Variants in COMP observed in about 807,000 individuals in gnomAD.
COMP encodes the protein cartilage oligomeric matrix protein.
In COMP, 79 loss-of-function variants were observed where a neutral mutation model predicts 95.8. That is an observed-to-expected ratio of 0.82 (90% confidence interval 0.69 to 0.99). The LOEUF (loss-of-function observed/expected upper bound fraction) is 0.99. COMP is among the 50% of genes least tolerant of loss of function. The pLI is 0.00. For synonymous variants in COMP, 438 were observed against 433.9 expected, an observed-to-expected ratio of 1.01 and a Z score of -0.12; for missense variants, 906 against 1,076.1, an observed-to-expected ratio of 0.84 and a Z score of 2.21.
Position 18,789,342 on chromosome 19 carries a change from GC to G in COMP, c.391-46del. ...AGAGGGTCAGAGGGCTTCGAGCTGGGCCCTGGGGGCCGCACCTCGTAGTGTC... is the reference window on the plus strand; with the variant it reads ...AGAGGGTCAGAGGGCTTCGAGCTGGGCCTGGGGGCCGCACCTCGTAGTGTC... On this transcript the variant is annotated intron_variant, in intron 4 of 18. Coordinates refer to ENST00000222271, the MANE Select transcript of COMP (RefSeq NM_000095.3). This position sits in a 1 kb window ranked among gnomAD's most constrained non-coding sequence, Gnocchi z 6.1. The G allele has an allele frequency of 7.0e-7, 1 of 1,432,796 alleles. No individual in the cohort carries two copies. Among genetic ancestry groups the G allele is most frequent in the Admixed American group, 3.1e-5 (1 of 32,764 alleles). The allele number at this position is 1,432,796 out of a possible 1,614,324, so 88.8% of individuals were successfully genotyped here. A position where few individuals can be genotyped will look rare whatever the true frequency, so the allele number is the denominator to read the frequency against.
In COMP at chr19:18,785,042, T is replaced by C; in HGVS notation, c.1768A>G (p.Thr590Ala). The C allele has an allele frequency of 6.2e-7, 1 of 1,614,130 alleles. No homozygotes were observed. The highest frequency in any genetic ancestry group is 8.5e-7 in the Non-Finnish European group (1 of 1,180,010). Residue 590 changes from threonine (T) to alanine (A), a missense_variant, in exon 16 of 19, where the codon ACG (threonine) becomes GCG (alanine). Thr to Ala is a moderately conservative substitution (Grantham distance 58). Coordinates refer to ENST00000222271, the MANE Select transcript of COMP (RefSeq NM_000095.3). Reference protein sequence around the residue: ...VDFEGTFHVNTVTDDDYAGFI... With the variant: ...VDFEGTFHVNAVTDDDYAGFI... ...CCCGCATAGTCGTCATCCGTGACCG[T>C]GTTCACATGGAACGTGCCCTCGAAG... is the stretch of plus-strand genomic sequence containing the variant.
intron 15 of COMP, 101 bp downstream of exon 15, chr19:18,785,397 C>T: frequency 6.7e-7 from 1 of 1,499,644 alleles, no homozygotes; most frequent in Non-Finnish European, 9.2e-7. Flanking sequence ...CGGGCCAGCC[C>T]CCTTCTGGCC....
rs1372045160 is a variant in COMP at position 18,788,398 on chromosome 19, G to GC, written c.867+11dup. ...CTCCTGCCCAAGCCCGCCCCGCTCC[G>GC]CCCCCACCCACCTTACGGCACTGGC... On this transcript the variant is annotated intron_variant, in intron 8 of 18. Transcript: ENST00000222271. This position sits in a 1 kb window ranked among gnomAD's most constrained non-coding sequence, Gnocchi z 4.7. 1 of 594,616 alleles carries GC rather than the reference G, an allele frequency of 1.7e-6. No homozygotes were observed. Among genetic ancestry groups the GC allele is most frequent in the Non-Finnish European group, 2.9e-6 (1 of 345,732 alleles). 36.8% of individuals were successfully genotyped at this position (594,616 alleles called of 1,614,324 possible).
chr19:18,785,379 C>G, intron 15 of COMP, 119 bp downstream of exon 15: 2 of 831,602 alleles, frequency 2.4e-6, no homozygotes, highest in Non-Finnish European at 3.7e-6. Flanking sequence ...CCCCGCCCTT[C>G]CTGAGCCCGG....
Position 18,790,016 on chromosome 19 carries a change from C to T in COMP, c.316G>A (p.Glu106Lys). 6.3e-7 allele frequency: 1 copy of T among 1,586,470 alleles called. No homozygotes were observed. ...CAGGGGCCGCAGCGCGCGCCGCTCT[C>T]CGTCTGGATGCAGGCCACGCCGGGG... is the stretch of plus-strand genomic sequence containing the variant. ...CFPGVACIQT[E>K]SGARCGPCPA... Residue 106 changes from glutamate (E) to lysine (K), a missense_variant, in exon 4 of 19, where the codon GAG becomes AAG. Transcript: ENST00000222271.
chr19:18,784,340 G>A lies in COMP; in HGVS notation c.1938C>T (p.Pro646=), dbSNP rs368459775. The A allele has an allele frequency of 2.1e-5, 34 of 1,613,868 alleles. No homozygotes were observed. Among genetic ancestry groups the A allele is most frequent in the African/African-American group, 6.7e-5 (5 of 74,926 alleles). ...QLKAVKSSTG[P]GEQLRNALWH... is the part of the protein sequence containing the mutation. ...ACAGAGCGTTCCGCAGCTGTTCCCC[G>A]GGGCCTGTGGAAGACTTCACAGCCT... The change falls in exon 17 of 19, where the codon CCC becomes CCT. Residue 646 remains proline (P), a synonymous_variant. Transcript: ENST00000222271. The surrounding 1 kb of genome is among the most constrained non-coding windows in gnomAD (Gnocchi z 4.9).
rs1253787247 is a variant in COMP at position 18,784,964 on chromosome 19, G to C, written c.1846C>G (p.Gln616Glu). 1 of 1,614,098 alleles carries C rather than the reference G, an allele frequency of 6.2e-7. No individual in the cohort carries two copies. Among genetic ancestry groups the C allele is most frequent in the Non-Finnish European group, 8.5e-7 (1 of 1,179,976 alleles). ...SSSFYVVMWK[Q>E]MEQTYWQANP... is the part of the protein sequence containing the mutation. ...GCCTGCCAATACGTTTGCTCCATCT[G>C]CTTCCACATGACCACGTAGAAGCTG... Residue 616 changes from glutamine (Q) to glutamate (E), a missense_variant, in exon 16 of 19, where the codon CAG (glutamine) becomes GAG (glutamate). By Grantham distance (29) the Gln-to-Glu change is conservative. Transcript: ENST00000222271. The surrounding 1 kb of genome is among the most constrained non-coding windows in gnomAD (Gnocchi z 4.9).
rs557014004 is a variant in COMP at position 18,786,553 on chromosome 19, G to C, written c.1233C>G (p.Pro411=). Residue 411 remains proline, a synonymous_variant, in exon 11 of 19, where the codon CCC becomes CCG. Coordinates refer to ENST00000222271, the MANE Select transcript of COMP (RefSeq NM_000095.3). ...DGIGDACDNC[P]QKSNPDQADV... is the part of the protein sequence containing the mutation. ...TCACCTGATCCGGGTTGCTCTTCTG[G>C]GGACAGTTGTCACAGGCATCCCCTA... 2.8e-5 allele frequency: 45 copies of C among 1,614,050 alleles called. No homozygotes were observed. In the East Asian group the frequency reaches 9.4e-4, roughly 34 times the overall value.
intron 3 of COMP, 139 bp downstream of exon 3, chr19:18,790,423 C>T: frequency 9.1e-7 from 1 of 1,096,910 alleles, no homozygotes; most frequent in Admixed American, 1.7e-5. Flanking sequence ...CATCCCATTC[C>T]CGTTCGTCCG....
At position 18,784,835 on chromosome 19, in the gene COMP, T is replaced by C. The variant is rs2055153156; in HGVS notation, c.1914+61A>G. Reference sequence around the variant, plus strand: ...GGGGCTCTAAGGGCTGTAAAGGGTTTTACGGAGGGTCATGGGAGGGCATGA... The same window carrying C: ...GGGGCTCTAAGGGCTGTAAAGGGTTCTACGGAGGGTCATGGGAGGGCATGA... On this transcript the variant is annotated intron_variant, in intron 16 of 18. Coordinates refer to ENST00000222271, the MANE Select transcript of COMP (RefSeq NM_000095.3). This position sits in a 1 kb window ranked among gnomAD's most constrained non-coding sequence, Gnocchi z 4.9. 1 of 1,584,976 alleles carries C rather than the reference T, an allele frequency of 6.3e-7. No homozygotes were observed. The highest frequency in any genetic ancestry group is 1.3e-5 in the African/African-American group (1 of 74,424).
In COMP at chr19:18,785,019, C is replaced by T. The variant is rs1444343827; in HGVS notation, c.1791G>A (p.Ala597=). 3.7e-6 allele frequency: 6 copies of T among 1,614,094 alleles called. No individual in the cohort carries two copies. The South Asian group carries it at 6.6e-5, about 18-fold the overall frequency. ...HVNTVTDDDY[A]GFIFGYQDSS... ...TGTCCTGGTAGCCAAAGATGAAGCC[C>T]GCATAGTCGTCATCCGTGACCGTGT... is the stretch of plus-strand genomic sequence containing the variant. The change falls in exon 16 of 19, where the codon GCG becomes GCA. Residue 597 remains alanine, a synonymous_variant. Coordinates refer to ENST00000222271, the MANE Select transcript of COMP (RefSeq NM_000095.3).
chr19:18,786,447 TGC>T, intron 11 of COMP, 83 bp downstream of exon 11: 1 of 1,528,242 alleles, frequency 6.5e-7, no homozygotes, highest in Non-Finnish European at 9.1e-7. Flanking sequence ...CAGTGTAAAA[TGC>T]TCTAAGCTGG....
chr19:18,790,453 C>T, intron 3 of COMP, 109 bp downstream of exon 3: 14 of 1,397,328 alleles, frequency 1.0e-5, no homozygotes, highest in Non-Finnish European at 1.3e-5. Context: ...CCGTCAGCCT[C>T]CATCTCCTTC....
At position 18,788,919 on chromosome 19, in the gene COMP, G is replaced by A. The variant is rs1303682249; in HGVS notation, c.529-6C>T. 1.9e-6 allele frequency: 3 copies of A among 1,613,012 alleles called. No individual in the cohort carries two copies. The African/African-American group carries it at 4.0e-5, about 22-fold the overall frequency. On this transcript the variant is annotated splice_polypyrimidine_tract_variant and splice_region_variant and intron_variant, in intron 5 of 18. Coordinates refer to ENST00000222271, the MANE Select transcript of COMP (RefSeq NM_000095.3). This position sits in a 1 kb window ranked among gnomAD's most constrained non-coding sequence, Gnocchi z 4.7. ...TCGTTGATGTCCGTGCAAACCTAGG[G>A]GAGGGGAACTCAGAGGTCACCACCC...
chr19:18,788,201 C>T lies in COMP; in HGVS notation c.975+11G>A, dbSNP rs771269099. ...ACAGGAGTGAACCACCGTGCCGAGC[C>T]GTAGATCTACCTTTTCATTGGGGAC... is the stretch of plus-strand genomic sequence containing the variant. On this transcript the variant is annotated intron_variant, in intron 9 of 18. Coordinates refer to ENST00000222271, the MANE Select transcript of COMP (RefSeq NM_000095.3). This position sits in a 1 kb window ranked among gnomAD's most constrained non-coding sequence, Gnocchi z 4.7. 5.6e-6 allele frequency: 9 copies of T among 1,609,816 alleles called. No homozygotes were observed. Among genetic ancestry groups the T allele is most frequent in the African/African-American group, 1.3e-5 (1 of 74,982 alleles).
intron 1 of COMP, 93 bp downstream of exon 1, chr19:18,791,098 G>A: frequency 1.3e-6 from 2 of 1,514,508 alleles, no homozygotes; most frequent in Admixed American, 2.0e-5. Context: ...CGAACAGTCC[G>A]TGAGCCCCAA....
chr19:18,784,882 G>T lies in COMP; in HGVS notation c.1914+14C>A. ...ATGAGGACCGCAGAGGTCAGGCACG[G>T]ACGGCCCTGGCACCTTGAGTTGGAT... On this transcript the variant is annotated intron_variant, in intron 16 of 18. Coordinates refer to ENST00000222271, the MANE Select transcript of COMP (RefSeq NM_000095.3). This position sits in a 1 kb window ranked among gnomAD's most constrained non-coding sequence, Gnocchi z 4.9. 2 of 1,613,278 alleles carry T rather than the reference G, an allele frequency of 1.2e-6. No homozygotes were observed. The highest frequency in any genetic ancestry group is 8.5e-7 in the Non-Finnish European group (1 of 1,179,936).
Position 18,789,968 on chromosome 19 carries a change from C to G in COMP, c.364G>C (p.Gly122Arg). ...TCGTTGACGTCGGTGCAGTGCGAGC[C>G]GTTGCCCGTGAAGCCCGCGGGGCAG... Reference protein sequence around the residue: ...GPCPAGFTGNGSHCTDVNECN... With the variant: ...GPCPAGFTGNRSHCTDVNECN... The change falls in exon 4 of 19, where the codon GGC (glycine) becomes CGC (arginine). Residue 122 changes from glycine to arginine, a missense_variant. Coordinates refer to ENST00000222271, the MANE Select transcript of COMP (RefSeq NM_000095.3). This position sits in a 1 kb window ranked among gnomAD's most constrained non-coding sequence, Gnocchi z 6.1. 1.9e-6 allele frequency: 3 copies of G among 1,595,228 alleles called. No individual in the cohort carries two copies. The highest frequency in any genetic ancestry group is 2.5e-6 in the Non-Finnish European group (3 of 1,178,232).
At chr19:18,785,613 A>G (rs2055159869) in intron 14 of COMP, 60 bp downstream of exon 14, 1 of 1,613,690 alleles carries the variant, frequency 6.2e-7, no homozygotes, top group Non-Finnish European at 8.5e-7. Flanking sequence ...TGTCCTCAGC[A>G]TAGGCCTCAC....
Sources: gnomAD v4.1 joint callset for allele counts on GRCh38, gnomAD v4.1.1 for gene constraint, Gnocchi (gnomAD v3.1) non-coding constraint, MANE v1.5 for transcripts, NCBI Gene and HGNC (gene_info 2026-07-23, HGNC 2026-07-21) for gene names.